Variants in KRABD2 observed in about 807,000 individuals in gnomAD.
The protein encoded by KRABD2 is KRAB domain containing 2, also known as KRAB domain-containing protein 2.
the KRABD2 span, chr17:8,369,342 T>A: frequency 4.8e-5 from 77 of 1,614,132 alleles, no homozygotes; most frequent in Non-Finnish European, 4.8e-5. Context: ...CCGGGGCAAG[T>A]TTGAGGAATA....
chr17:8,371,061 C>T, the KRABD2 span, among the ~76,000 whole-genome samples: 1 of 151,922 alleles, frequency 6.6e-6, no homozygotes, highest in African/African-American at 2.4e-5. Context: ...CCCAGCTACT[C>T]GGGAGACTGA....
At chr17:8,366,455 G>A in the KRABD2 span, among the ~76,000 whole-genome samples, 3 of 152,194 alleles carry the variant, frequency 2.0e-5, no homozygotes, top group Non-Finnish European at 2.9e-5. Context: ...GAAATGCACT[G>A]AACTGTGCCA....
chr17:8,374,628 T>TAAAA, the KRABD2 span, among the ~76,000 whole-genome samples: 1 of 71,434 alleles, frequency 1.4e-5, no homozygotes, highest in Non-Finnish European at 2.7e-5. Context: ...CAATAAATAC[T>TAAAA]AAAAAAAAAA....
the KRABD2 span, chr17:8,368,958 C>T: frequency 3.6e-6 from 4 of 1,113,268 alleles, no homozygotes; most frequent in Non-Finnish European, 4.9e-6. Context: ...TTTTTTATGG[C>T]AGCCCTAAGA....
At chr17:8,359,460 CTG>C in the KRABD2 span, 1 of 396,146 alleles carries the variant, frequency 2.5e-6, no homozygotes, top group Non-Finnish European at 5.0e-6. Flanking sequence ...AGTCTTTACT[CTG>C]TGCCTATTTT....
chr17:8,371,556 G>A, the KRABD2 span: 2 of 1,570,444 alleles, frequency 1.3e-6, no homozygotes, highest in Non-Finnish European at 1.7e-6. Flanking sequence ...GACTCTGAAA[G>A]CGAGTCAGGT....
At chr17:8,367,009 C>T in the KRABD2 span, among the ~76,000 whole-genome samples, 156 of 152,154 alleles carry the variant, frequency 1.0e-3, no homozygotes, top group African/African-American at 3.2e-3. Flanking sequence ...CATGAGCCAC[C>T]GTGCCCAGCC....
chr17:8,375,899 C>T, the KRABD2 span: 22 of 1,228,712 alleles, frequency 1.8e-5, no homozygotes, highest in Non-Finnish European at 2.0e-5. Flanking sequence ...CCTTCACCCA[C>T]CTGTGAGTCT....
chr17:8,368,636 ATT>A, the KRABD2 span: 27 of 140,120 alleles, frequency 1.9e-4, no homozygotes, highest in Admixed American at 2.9e-4. Flanking sequence ...TGTGGTGGTA[ATT>A]TTTTTTTTTT....
At chr17:8,370,284 T>C in the KRABD2 span, 1 of 1,612,974 alleles carries the variant, frequency 6.2e-7, no homozygotes, top group Non-Finnish European at 8.5e-7. Context: ...AAGAAACTTT[T>C]CTCTCATGTT....
the KRABD2 span, chr17:8,376,500 T>A: frequency 4.0e-6 from 4 of 999,618 alleles, no homozygotes; most frequent in African/African-American, 6.9e-5. Flanking sequence ...GCCTCCTTTG[T>A]GTAGCCTTCC....
At chr17:8,371,292 A>G in the KRABD2 span, 2 of 1,559,208 alleles carry the variant, frequency 1.3e-6, no homozygotes, top group Admixed American at 3.4e-5. Context: ...TAATAAAGGA[A>G]GATTCTGAGC....
chr17:8,372,160 G>C, the KRABD2 span: 1 of 764,140 alleles, frequency 1.3e-6, no homozygotes, highest in Non-Finnish European at 1.6e-6. This position sits in a 1 kb window ranked among gnomAD's most constrained non-coding sequence, Gnocchi z 4.1. Flanking sequence ...TTCCAGGTCC[G>C]GAAGGTCCTT....
the KRABD2 span, chr17:8,369,990 C>T: frequency 1.9e-6 from 3 of 1,614,182 alleles, no homozygotes; most frequent in East Asian, 4.5e-5. Context: ...GCGTGTCCGC[C>T]CACCATGTCC....
chr17:8,374,592 C>G, the KRABD2 span, among the ~76,000 whole-genome samples: 1 of 149,218 alleles, frequency 6.7e-6, no homozygotes, highest in South Asian at 2.1e-4. Context: ...CCAAATCCCC[C>G]TCTCTGAGAA....
chr17:8,362,133 A>C, the KRABD2 span, among the ~76,000 whole-genome samples: 2 of 152,076 alleles, frequency 1.3e-5, no homozygotes, highest in Non-Finnish European at 2.9e-5. The surrounding 1 kb of genome is among the most constrained non-coding windows in gnomAD (Gnocchi z 4.2). Context: ...ATCAAGACCG[A>C]CCGTCCTGGC....
the KRABD2 span, among the ~76,000 whole-genome samples, chr17:8,362,037 G>T: frequency 1.3e-5 from 2 of 152,242 alleles, no homozygotes; most frequent in South Asian, 2.1e-4. This position sits in a 1 kb window ranked among gnomAD's most constrained non-coding sequence, Gnocchi z 4.2. Context: ...ATAAGAAAAT[G>T]AATTTAAGGC....
the KRABD2 span, among the ~76,000 whole-genome samples, chr17:8,363,832 T>TATATATAATATATATATATA: frequency 5.6e-5 from 2 of 35,760 alleles, no homozygotes; most frequent in African/African-American, 2.3e-4. Context: ...ATATCATACA[T>TATATATAATATATATATATA]ATATATATAT....
At chr17:8,375,612 A>G in the KRABD2 span, 1 of 150,262 alleles carries the variant, frequency 6.7e-6, no homozygotes, top group Non-Finnish European at 1.5e-5. Context: ...CACGGCTCCC[A>G]GGGTCAAGGC....
Sources: allele counts gnomAD v4.1 joint callset (sites outside exome capture counted in the v4.1 genomes callset), GRCh38; gene constraint gnomAD v4.1.1; non-coding constraint Gnocchi (gnomAD v3.1); transcripts MANE v1.5; gene names NCBI Gene and HGNC (gene_info 2026-07-23, HGNC 2026-07-21).